The following UNC79 variants were observed in gnomAD, a reference collection of about 807,000 sequenced individuals.
UNC79 encodes the protein unc-79 subunit of NALCN channel complex.
A neutral mutation model predicts 283.1 loss-of-function variants in UNC79; 37 were observed. That is an observed-to-expected ratio of 0.13 (90% CI 0.10 to 0.17). UNC79 has a LOEUF of 0.17. Ranked by LOEUF, UNC79 falls within the 10% of genes least tolerant of loss-of-function variation. The pLI is 1.00. For missense variants in UNC79, 2,272 were observed against 3,211.1 expected (o/e 0.71, Z 7.07); for synonymous variants, 1,107 against 1,200.2 (o/e 0.92, Z 1.61).
chr14:93,634,616 A>G, intron 31 of UNC79: 1 of 1,614,028 alleles, frequency 6.2e-7, no homozygotes, highest in Non-Finnish European at 8.5e-7. Context: ...CGCCCCCCAT[A>G]ACATCAGCAA....
intron 32 of UNC79, among the ~76,000 whole-genome samples, chr14:93,640,362 C>G (rs947470801): frequency 2.0e-5 from 3 of 152,204 alleles, no homozygotes; most frequent in African/African-American, 7.2e-5. Flanking sequence ...GGCACAGTGG[C>G]TCACAGCTGT....
At chr14:93,606,252 G>T (rs536678774) in intron 26 of UNC79, among the ~76,000 whole-genome samples, 1 of 152,280 alleles carries the variant, frequency 6.6e-6, no homozygotes, top group Admixed American at 6.5e-5. Context: ...AAGCCTTCAG[G>T]CATCTAATTA....
intron 22 of UNC79, among the ~76,000 whole-genome samples, chr14:93,592,332 G>A (rs1278642368): frequency 2.0e-5 from 3 of 151,654 alleles, no homozygotes; most frequent in Non-Finnish European, 4.4e-5. Flanking sequence ...CCACCACCAC[G>A]CCCGGCTAAT....
At position 93,434,077 on chromosome 14, in the gene UNC79, G is replaced by A. The variant is rs547801769; in HGVS notation, c.22+3026G>A. On this transcript the variant is annotated intron_variant, in intron 1 of 48. Transcript: ENST00000555664. ...AAAAATACAAAATTAGCCTGGCATG[G>A]TGGTGCATGTCTGTAATCCCAGCTA... 9.2e-5 allele frequency among the ~76,000 whole-genome samples: 14 copies of A among 152,232 alleles called. 1 individual carries two copies. Among genetic ancestry groups the A allele is most frequent in the African/African-American group, 3.1e-4 (13 of 41,528 alleles).
chr14:93,478,952 T>C (rs2057956886), intron 4 of UNC79, among the ~76,000 whole-genome samples: 1 of 152,174 alleles, frequency 6.6e-6, no homozygotes, highest in South Asian at 2.1e-4. Context: ...GAGTTTGACT[T>C]CTCCCTAAAT....
chr14:93,367,899 G>A (rs577074871), intron 1 of UNC79, among the ~76,000 whole-genome samples: 2 of 152,334 alleles, frequency 1.3e-5, no homozygotes, highest in East Asian at 3.9e-4. Context: ...AAGTCAATAT[G>A]GACACAATAG....
chr14:93,701,300 G>A (rs996000973), intron 47 of UNC79, among the ~76,000 whole-genome samples: 2 of 152,130 alleles, frequency 1.3e-5, no homozygotes, highest in Non-Finnish European at 2.9e-5. Context: ...GTTGTCCCAG[G>A]CAGGAGGGTA....
At chr14:93,550,122 GA>G (rs1230010246) in intron 14 of UNC79, among the ~76,000 whole-genome samples, 1 of 152,156 alleles carries the variant, frequency 6.6e-6, no homozygotes, top group African/African-American at 2.4e-5. Flanking sequence ...AGAAAACAAA[GA>G]AATTTAGCAG....
chr14:93,706,925 T>A, downstream of UNC79: 1 of 1,613,460 alleles, frequency 6.2e-7, no homozygotes, highest in Non-Finnish European at 8.5e-7. Flanking sequence ...CGGCGCTCAG[T>A]GTCAACACTC....
At position 93,610,617 on chromosome 14, in the gene UNC79, T is replaced by G. The variant is rs987981871; in HGVS notation, c.3755-2180T>G. Among the ~76,000 whole-genome samples the G allele has an allele frequency of 2.0e-5, 3 of 147,318 alleles. No individual in the cohort carries two copies. In the East Asian group the frequency reaches 5.8e-4, roughly 29 times the overall value. On this transcript the variant is annotated intron_variant, in intron 26 of 48. Coordinates refer to ENST00000555664, the Ensembl canonical transcript of UNC79. ...TTTTTCTTTTCTTTTCTTTCTTTCTTTTTTTTTTTTTGAGACAAGGTCTTG... is the reference window on the plus strand; with the variant it reads ...TTTTTCTTTTCTTTTCTTTCTTTCTGTTTTTTTTTTTGAGACAAGGTCTTG...
At chr14:93,491,060 G>A (rs1233526650) in intron 5 of UNC79, among the ~76,000 whole-genome samples, 1 of 152,164 alleles carries the variant, frequency 6.6e-6, no homozygotes, top group Non-Finnish European at 1.5e-5. Context: ...TGGATGATCT[G>A]TGAGAACTCA....
intron 14 of UNC79, among the ~76,000 whole-genome samples, chr14:93,568,307 CTG>C (rs2141555969): frequency 6.6e-6 from 1 of 152,288 alleles, no homozygotes; most frequent in South Asian, 2.1e-4. Context: ...CATCCTTACT[CTG>C]TCTCACATAG....
chr14:93,586,982 G>T, intron 22 of UNC79, 74 bp downstream of exon 22: 2 of 1,554,420 alleles, frequency 1.3e-6, no homozygotes, highest in Non-Finnish European at 8.7e-7. Context: ...GTTAGATTAA[G>T]ATTTACTGGC....
chr14:93,658,355 CT>C (rs1301513831), intron 38 of UNC79, among the ~76,000 whole-genome samples: 1 of 152,150 alleles, frequency 6.6e-6, no homozygotes, highest in African/African-American at 2.4e-5. Context: ...AGGGGTAGGG[CT>C]TGAGGATTTG....
intron 14 of UNC79, among the ~76,000 whole-genome samples, chr14:93,545,652 C>G (rs1233535765): frequency 2.0e-5 from 3 of 152,162 alleles, no homozygotes; most frequent in Admixed American, 1.3e-4. Context: ...TTCCTTAAAA[C>G]TGTTTAGTCA....
intron 7 of UNC79, among the ~76,000 whole-genome samples, chr14:93,499,941 G>A (rs972466192): frequency 2.0e-5 from 3 of 152,092 alleles, no homozygotes; most frequent in Non-Finnish European, 4.4e-5. Context: ...TAGCATGATA[G>A]TATTTAGGAA....
chr14:93,663,984 CA>C (rs1400140824), intron 40 of UNC79, among the ~76,000 whole-genome samples: 3 of 152,230 alleles, frequency 2.0e-5, no homozygotes, highest in African/African-American at 7.2e-5. Context: ...TATTGGTTTT[CA>C]ATTCAAAATA....
At chr14:93,612,799 C>A (rs1256188544) in exon 27 of UNC79, 13 of 1,612,162 alleles carry the variant, frequency 8.1e-6, no homozygotes, top group Non-Finnish European at 1.1e-5. Flanking sequence ...ACTGACAGGA[C>A]AACAATCTCC....
chr14:93,353,674 A>T (rs2054022966), intron 1 of UNC79, among the ~76,000 whole-genome samples: 1 of 152,246 alleles, frequency 6.6e-6, no homozygotes, highest in Non-Finnish European at 1.5e-5. Context: ...AGATTTAAAA[A>T]TCCAAACCTG....
Sources: allele counts gnomAD v4.1 joint callset (sites outside exome capture counted in the v4.1 genomes callset), GRCh38; gene constraint gnomAD v4.1.1; transcripts MANE v1.5; gene names NCBI Gene and HGNC (gene_info 2026-07-23, HGNC 2026-07-21).